Variants in ITM2B observed in about 807,000 individuals in gnomAD.
ITM2B encodes ABri/ADan amyloid peptide.
Under a neutral mutation model 27.8 loss-of-function variants are expected in ITM2B, and 11 were observed. The ratio of observed to expected loss-of-function variants is 0.40; its 90% confidence interval spans 0.25 to 0.66. The LOEUF (loss-of-function observed/expected upper bound fraction) is 0.66. ITM2B is among the 30% of genes least tolerant of loss of function. The pLI is 0.43. For synonymous variants in ITM2B, 114 were observed against 114.3 expected (o/e 1.00, Z 0.02); for missense variants, 296 against 328.9 (o/e 0.90, Z 0.77).
chr13:48,263,132 C>T lies in ITM2B; in HGVS notation c.*1908C>T, dbSNP rs1204746202. On this transcript the variant is annotated 3_prime_UTR_variant, in exon 6 of 6. Transcript: ENST00000647800. ...AACTTACACTTTACTAAATGTAATT[C>T]TTTCATTTGAATTTTTAAAGGTTTT... is the stretch of plus-strand genomic sequence containing the variant. The T allele has an allele frequency of 6.6e-6, 1 of 152,116 alleles. No homozygotes were observed. The highest frequency in any genetic ancestry group is 1.9e-4 in the East Asian group (1 of 5,196). The allele number at this position is 152,116 out of a possible 1,614,324, so 9.4% of individuals were successfully genotyped here.
chr13:48,255,240 TGTGTGTGTGTGTGTGCGCGCGCGTGTGC>T (rs1323880963), intron 2 of ITM2B, among the ~76,000 whole-genome samples: 2 of 150,528 alleles, frequency 1.3e-5, no homozygotes, highest in Non-Finnish European at 3.0e-5. Flanking sequence ...AGTGTGTGTG[TGTGTGTGTGTGTGTGCGCGCGCGTGTGC>T]GTGCGCGCAC....
At position 48,258,849 on chromosome 13, in the gene ITM2B, C is replaced by A; in HGVS notation, c.617C>A (p.Thr206Asn). The A allele has an allele frequency of 6.2e-7, 1 of 1,613,498 alleles. No homozygotes were observed. Among genetic ancestry groups the A allele is most frequent in the Non-Finnish European group, 8.5e-7 (1 of 1,179,422 alleles). ...SYLIHEHMVI[T>N]DRIENIDHLG... Reference sequence around the variant, plus strand: ...CTGATTCATGAGCACATGGTTATTACTGATCGCATTGAAAACATTGATCAC... The same window carrying A: ...CTGATTCATGAGCACATGGTTATTAATGATCGCATTGAAAACATTGATCAC... The change falls in exon 5 of 6, where the codon ACT becomes AAT. Residue 206 changes from threonine to asparagine, a missense_variant. Coordinates refer to ENST00000647800, the MANE Select transcript of ITM2B (RefSeq NM_021999.5).
chr13:48,252,571 T>A (rs190164786), intron 1 of ITM2B, among the ~76,000 whole-genome samples: 1 of 152,358 alleles, frequency 6.6e-6, no homozygotes, highest in Admixed American at 6.5e-5. Context: ...CCCCTCAGTC[T>A]GTCTGTGGAA....
Position 48,261,135 on chromosome 13 carries a change from A to G in ITM2B, c.716-4A>G, listed in dbSNP as rs1373774664. 2.5e-6 allele frequency: 4 copies of G among 1,608,250 alleles called. No homozygotes were observed. The highest frequency in any genetic ancestry group is 1.1e-5 in the South Asian group (1 of 90,548). ...TTTAAAAAACTTTTTTCCCTCTCCA[A>G]CAGGTATTCAGAAACGTGAAGCCAG... On this transcript the variant is annotated splice_region_variant and splice_polypyrimidine_tract_variant and intron_variant, in intron 5 of 5. Transcript: ENST00000647800.
intron 5 of ITM2B, among the ~76,000 whole-genome samples, 154 bp from the exon 6 acceptor site, chr13:48,260,985 T>G (rs1488914810): frequency 6.6e-6 from 1 of 152,198 alleles, no homozygotes; most frequent in Non-Finnish European, 1.5e-5. Flanking sequence ...GGAGAAAAAT[T>G]ACTTTTCTTC....
intron 1 of ITM2B, among the ~76,000 whole-genome samples, chr13:48,250,251 C>T (rs9526466): frequency 0.19 from 28,618 of 152,116 alleles, 3,164 homozygotes; most frequent in Non-Finnish European, 0.25. Context: ...CTCTCCCTTC[C>T]CTTATTATCA....
chr13:48,248,649 GGAA>G (rs751630585), intron 1 of ITM2B, among the ~76,000 whole-genome samples: 2 of 152,022 alleles, frequency 1.3e-5, no homozygotes. Flanking sequence ...GGGCCACATT[GGAA>G]GAAGAATTGT....
chr13:48,237,706 A>G (rs952306226), intron 1 of ITM2B, among the ~76,000 whole-genome samples: 2 of 152,234 alleles, frequency 1.3e-5, no homozygotes, highest in African/African-American at 4.8e-5. Context: ...AAATGTACAT[A>G]GAAACATGTA....
intron 1 of ITM2B, among the ~76,000 whole-genome samples, chr13:48,237,187 G>T (rs948260924): frequency 3.9e-5 from 6 of 152,158 alleles, no homozygotes; most frequent in African/African-American, 1.4e-4. Flanking sequence ...CTATAATGTT[G>T]ATATAATGCT....
rs1951842631 is a variant in ITM2B, at chr13:48,264,701, CTTCAT to C, written c.*3481_*3485del. ...GTATCTATTTAGAAAAAGAACATTT[CTTCAT>C]TTCCACAAAGCTACACAGCCATCAG... On this transcript the variant is annotated 3_prime_UTR_variant, in exon 6 of 6. Coordinates refer to ENST00000647800, the MANE Select transcript of ITM2B (RefSeq NM_021999.5). 1 of 152,156 alleles carries C rather than the reference CTTCAT, an allele frequency of 6.6e-6. No individual in the cohort carries two copies. The highest frequency in any genetic ancestry group is 2.1e-4 in the South Asian group (1 of 4,826). 9.4% of individuals were successfully genotyped at this position (152,156 alleles called of 1,614,324 possible). A position where few individuals can be genotyped will look rare whatever the true frequency, so the allele number is the denominator to read the frequency against.
At position 48,256,884 on chromosome 13, in the gene ITM2B, T is replaced by G. The variant is rs534997642; in HGVS notation, c.453+501T>G. On this transcript the variant is annotated intron_variant, in intron 3 of 5. Transcript: ENST00000647800. Reference sequence around the variant, plus strand: ...TCATTTGACATAAGTACTTATGCTATTATCTCTCAAGAATGAGTTGTCCTC... The same window carrying G: ...TCATTTGACATAAGTACTTATGCTAGTATCTCTCAAGAATGAGTTGTCCTC... 5.3e-5 allele frequency among the ~76,000 whole-genome samples: 8 copies of G among 152,284 alleles called. No individual in the cohort carries two copies. The South Asian group carries it at 1.7e-3, about 32-fold the overall frequency.
chr13:48,257,048 T>C (rs545458567), intron 3 of ITM2B, among the ~76,000 whole-genome samples: 1 of 152,320 alleles, frequency 6.6e-6, no homozygotes, highest in East Asian at 1.9e-4. Flanking sequence ...ACCCTGTATA[T>C]ACTATGTTTT....
intron 2 of ITM2B, 80 bp downstream of exon 2, chr13:48,254,016 A>C: frequency 1.5e-6 from 2 of 1,375,310 alleles, no homozygotes; most frequent in Non-Finnish European, 2.0e-6. Context: ...ATTGTTTACA[A>C]CTTGCGCTAA....
chr13:48,263,597 T>A lies in ITM2B; in HGVS notation c.*2373T>A, dbSNP rs547905935. On this transcript the variant is annotated 3_prime_UTR_variant, in exon 6 of 6. Coordinates refer to ENST00000647800, the MANE Select transcript of ITM2B (RefSeq NM_021999.5). ...GAGTTCTGTCTTAGTCCATTCGGGC[T>A]ACTATAACAAAATACCATAGACTGA... 5.3e-5 allele frequency: 8 copies of A among 152,314 alleles called. No individual in the cohort carries two copies. The highest frequency in any genetic ancestry group is 3.9e-4 in the Admixed American group (6 of 15,280). 9.4% of individuals were successfully genotyped at this position (152,314 alleles called of 1,614,324 possible).
Position 48,256,182 on chromosome 13 carries a change from T to C in ITM2B, c.252T>C (p.Asp84=), listed in dbSNP as rs1383958131. Residue 84 remains aspartate, a synonymous_variant, in exon 3 of 6, where the codon GAT becomes GAC. Coordinates refer to ENST00000647800, the MANE Select transcript of ITM2B (RefSeq NM_021999.5). The part of the protein sequence containing the change: ...YLYKYFALQP[D]DVYYCGIKYI... ...AGTCTTTAAACTCTCTATAGCCAGA[T>C]GACGTGTACTACTGTGGAATAAAGT... 6 of 1,611,120 alleles carry C rather than the reference T, an allele frequency of 3.7e-6. No homozygotes were observed. The highest frequency in any genetic ancestry group is 1.3e-5 in the African/African-American group (1 of 74,898).
intron 1 of ITM2B, among the ~76,000 whole-genome samples, chr13:48,235,134 C>T (rs528289182): frequency 6.6e-6 from 1 of 152,254 alleles, no homozygotes; most frequent in South Asian, 2.1e-4. Context: ...TTCTCTGTTC[C>T]GCTGTAGTGG....
intron 1 of ITM2B, among the ~76,000 whole-genome samples, 162 bp downstream of exon 1, chr13:48,233,639 C>T (rs184938013): frequency 1.3e-5 from 2 of 152,278 alleles, no homozygotes; most frequent in African/African-American, 4.8e-5. Context: ...GGGTCCGCAG[C>T]TCCTTTGTAA....
intron 1 of ITM2B, among the ~76,000 whole-genome samples, chr13:48,250,365 A>AT (rs2137988239): frequency 6.6e-6 from 1 of 152,312 alleles, no homozygotes; most frequent in Admixed American, 6.5e-5. Context: ...CAAGCCTGTA[A>AT]TCCGAGCACT....
At chr13:48,261,096 TAAAG>T in intron 5 of ITM2B, 39 bp from the exon 6 acceptor site, 1 of 1,238,872 alleles carries the variant, frequency 8.1e-7, no homozygotes, top group Non-Finnish European at 1.2e-6. Context: ...TATTTATTAT[TAAAG>T]AATCAAAATT....
Sources: allele counts gnomAD v4.1 joint callset (sites outside exome capture counted in the v4.1 genomes callset), GRCh38; gene constraint gnomAD v4.1.1; transcripts MANE v1.5; gene names NCBI Gene and HGNC (gene_info 2026-07-23, HGNC 2026-07-21).